The following ROBO2 variants were observed in gnomAD, a reference collection of about 807,000 sequenced individuals.
ROBO2 encodes the protein roundabout guidance receptor 2.
In ROBO2, 53 loss-of-function variants were observed where a neutral mutation model predicts 160.8. The ratio of observed to expected loss-of-function variants is 0.33; its 90% confidence interval spans 0.26 to 0.41. The LOEUF (loss-of-function observed/expected upper bound fraction) is 0.41, where lower values mean the gene tolerates loss of function less well. ROBO2 is among the 10% of genes least tolerant of loss of function. The probability of loss-of-function intolerance (pLI) is 1.00; values close to 1 mark genes in which losing one functional copy is unlikely to be tolerated. For synonymous variants in ROBO2, 664 were observed against 611.7 expected (o/e 1.09, Z -1.26); for missense variants, 1,577 against 1,722.4 (o/e 0.92, Z 1.49).
At chr3:76,394,891 C>T (rs1296481882) in intron 2 of ROBO2, among the ~76,000 whole-genome samples, 2 of 151,992 alleles carry the variant, frequency 1.3e-5, no homozygotes, top group South Asian at 2.1e-4. Context: ...AATTTAACAC[C>T]CCACTGTCAA....
intron 2 of ROBO2, among the ~76,000 whole-genome samples, chr3:77,102,322 C>T (rs747096322): frequency 7.2e-5 from 11 of 151,896 alleles, no homozygotes; most frequent in Non-Finnish European, 1.6e-4. Flanking sequence ...GTGGATTGTG[C>T]TAGGCATTGT....
At chr3:77,257,038 G>A (rs944582790) in intron 2 of ROBO2, among the ~76,000 whole-genome samples, 9 of 152,270 alleles carry the variant, frequency 5.9e-5, no homozygotes, top group African/African-American at 9.6e-5. Flanking sequence ...GGCCTGGAGC[G>A]AGGTTTCATA....
At chr3:76,989,077 A>G (rs1314036010) in intron 2 of ROBO2, among the ~76,000 whole-genome samples, 4 of 152,174 alleles carry the variant, frequency 2.6e-5, no homozygotes, top group Admixed American at 6.5e-5. Flanking sequence ...CTGAGTATCA[A>G]TACTTTTGCA....
At chr3:76,910,960 C>G (rs2075959385) in intron 2 of ROBO2, among the ~76,000 whole-genome samples, 2 of 151,998 alleles carry the variant, frequency 1.3e-5, no homozygotes, top group African/African-American at 2.4e-5. Flanking sequence ...ATACTCTCCA[C>G]AAAATTGTAT....
At chr3:76,453,116 T>G (rs1027627236) in intron 2 of ROBO2, among the ~76,000 whole-genome samples, 27 of 152,194 alleles carry the variant, frequency 1.8e-4, no homozygotes, top group Admixed American at 3.3e-4. Context: ...TTTCTCCCAT[T>G]CTGTAGGCTG....
At chr3:76,787,014 G>A (rs2063024967) in intron 2 of ROBO2, among the ~76,000 whole-genome samples, 1 of 151,176 alleles carries the variant, frequency 6.6e-6, no homozygotes, top group Non-Finnish European at 1.5e-5. Flanking sequence ...TCATATGGTG[G>A]CAGGAGAGAA....
chr3:76,843,712 C>T (rs1318748895), intron 2 of ROBO2, among the ~76,000 whole-genome samples: 4 of 151,830 alleles, frequency 2.6e-5, no homozygotes, highest in Admixed American at 6.6e-5. Context: ...AATCTGGGGT[C>T]GCTCACCAGA....
At chr3:76,157,913 G>A (rs998647470) in intron 2 of ROBO2, among the ~76,000 whole-genome samples, 1 of 152,044 alleles carries the variant, frequency 6.6e-6, no homozygotes, top group African/African-American at 2.4e-5. Flanking sequence ...CTTGAGACTT[G>A]GCAGAGTCTC....
In ROBO2 at chr3:76,069,712, T is replaced by C. The variant is rs765787517; in HGVS notation, c.109+132110T>C. The stretch of plus-strand genomic sequence containing the variant: ...CTGTGTGAGTTTTAATGGTGAACTC[T>C]TGCTCAAGAACAAAGAACACGTTCA... On this transcript the variant is annotated intron_variant, in intron 2 of 26. Coordinates refer to the ROBO2 transcript ENST00000487694. Among the ~76,000 whole-genome samples the C allele has an allele frequency of 2.6e-5, 4 of 152,240 alleles. No homozygotes were observed. In the South Asian group the frequency reaches 8.3e-4, roughly 32 times the overall value.
rs527683308 is a variant in ROBO2 at position 77,438,212 on chromosome 3, CATAG to C, written c.389-39191_389-39188del. On this transcript the variant is annotated intron_variant, in intron 2 of 25. Coordinates refer to ENST00000461745, the Ensembl canonical transcript of ROBO2. Reference sequence around the variant, plus strand: ...TAGGTAGATAGATGATAGATAGATACATAGATAGATAGATTGATTGATAGATTGA... The same window carrying C: ...TAGGTAGATAGATGATAGATAGATACATAGATAGATTGATTGATAGATTGA... 1.7e-4 allele frequency among the ~76,000 whole-genome samples: 25 copies of C among 151,300 alleles called. 1 individual carries two copies. In the South Asian group the frequency reaches 2.3e-3, roughly 14 times the overall value.
At chr3:76,709,188 A>G (rs572496790) in intron 2 of ROBO2, among the ~76,000 whole-genome samples, 2 of 152,350 alleles carry the variant, frequency 1.3e-5, no homozygotes, top group African/African-American at 4.8e-5. Flanking sequence ...TCCCCAAGGG[A>G]GAATCTAGAG....
At chr3:76,799,749 T>G (rs1010937847) in intron 2 of ROBO2, among the ~76,000 whole-genome samples, 1 of 152,148 alleles carries the variant, frequency 6.6e-6, no homozygotes, top group Non-Finnish European at 1.5e-5. Flanking sequence ...ATATTTCATA[T>G]CCATAGATTG....
chr3:77,186,378 G>T (rs1398173929), intron 2 of ROBO2, among the ~76,000 whole-genome samples: 1 of 151,872 alleles, frequency 6.6e-6, no homozygotes, highest in African/African-American at 2.4e-5. Flanking sequence ...ACAGAGTTAA[G>T]AAATAAATGA....
At chr3:76,150,029 A>G (rs2072106581) in intron 2 of ROBO2, among the ~76,000 whole-genome samples, 1 of 146,822 alleles carries the variant, frequency 6.8e-6, no homozygotes, top group South Asian at 2.3e-4. Context: ...ATCTGTCTAA[A>G]TCACACATCT....
chr3:76,251,947 G>T (rs1198855910), intron 2 of ROBO2, among the ~76,000 whole-genome samples: 1 of 152,004 alleles, frequency 6.6e-6, no homozygotes, highest in Non-Finnish European at 1.5e-5. Flanking sequence ...AAGAAAGACA[G>T]AAAAATATCA....
At chr3:76,441,827 C>A (rs1185032810) in intron 2 of ROBO2, among the ~76,000 whole-genome samples, 1 of 152,314 alleles carries the variant, frequency 6.6e-6, no homozygotes, top group African/African-American at 2.4e-5. Flanking sequence ...AATATCCAGT[C>A]GCAGCTGCTA....
intron 12 of ROBO2, among the ~76,000 whole-genome samples, chr3:77,566,974 G>C (rs1162986740): frequency 2.0e-5 from 3 of 151,636 alleles, no homozygotes; most frequent in Non-Finnish European, 4.4e-5. Context: ...CAAATACTTG[G>C]ATTATCAGCA....
Position 76,683,081 on chromosome 3 carries a change from T to C in ROBO2, c.110-414933T>C, listed in dbSNP as rs558864796. 6.6e-5 allele frequency among the ~76,000 whole-genome samples: 10 copies of C among 152,196 alleles called. No individual in the cohort carries two copies. The South Asian group carries it at 2.1e-3, about 32-fold the overall frequency. ...TCGTCAGATAAATGATCTAAACAAA[T>C]ATTTCATAAGAAATAGGTTAGGTCT... On this transcript the variant is annotated intron_variant, in intron 2 of 26. Transcript: ENST00000487694.
intron 2 of ROBO2, among the ~76,000 whole-genome samples, chr3:76,445,142 T>C (rs1046924717): frequency 1.3e-5 from 2 of 152,206 alleles, no homozygotes; most frequent in Non-Finnish European, 2.9e-5. Context: ...TCTAAGTAGT[T>C]AATCCATAGA....
Sources: gnomAD v4.1 joint callset for allele counts (sites outside exome capture counted in the v4.1 genomes callset) on GRCh38, gnomAD v4.1.1 for gene constraint, MANE v1.5 for transcripts, NCBI Gene and HGNC (gene_info 2026-07-23, HGNC 2026-07-21) for gene names.